HOMER2: variants seen among roughly 807,000 people sequenced by gnomAD.
HOMER2 encodes the protein homer protein homolog 2.
In HOMER2, 27 loss-of-function variants were observed where a neutral mutation model predicts 47.0. That is an observed-to-expected ratio of 0.57 (90% CI 0.42 to 0.79). The LOEUF (loss-of-function observed/expected upper bound fraction) is 0.79, where lower values mean the gene tolerates loss of function less well. HOMER2 is among the 30% of genes least tolerant of loss of function. The pLI is 0.00. For missense variants in HOMER2, 443 were observed against 435.0 expected (o/e 1.02, Z -0.16); for synonymous variants, 161 against 163.8 (o/e 0.98, Z 0.13).
exon 2 of HOMER2, chr15:82,840,492 G>A (rs983997114): frequency 3.9e-5 from 6 of 152,052 alleles, no homozygotes; most frequent in African/African-American, 1.4e-4. Flanking sequence ...TTTTGAGAAA[G>A]GGTCTTGCTC....
At chr15:82,860,956 T>TGAGAGAGAGAGAGAGAGAGAGA (rs56063630) in intron 4 of HOMER2, among the ~76,000 whole-genome samples, 5,486 of 40,780 alleles carry the variant, frequency 0.13, 305 homozygotes, top group Non-Finnish European at 0.18. Context: ...AGATAGAAGA[T>TGAGAGAGAGAGAGAGAGAGAGA]GAGAGAGAGA....
At chr15:82,908,308 T>C (rs2053347981) in intron 1 of HOMER2, among the ~76,000 whole-genome samples, 2 of 152,230 alleles carry the variant, frequency 1.3e-5, no homozygotes, top group Non-Finnish European at 2.9e-5. Context: ...TCAATAAAGC[T>C]TTATTAAACT....
At chr15:82,956,159 G>C (rs1314409980), upstream of HOMER2, among the ~76,000 whole-genome samples, 2 of 149,774 alleles carry the variant, frequency 1.3e-5, no homozygotes, top group African/African-American at 4.9e-5. Context: ...AGAATCACTT[G>C]AACTCAGGAG....
intron 1 of HOMER2, among the ~76,000 whole-genome samples, chr15:82,970,722 T>C (rs1467681642): frequency 6.6e-6 from 1 of 152,186 alleles, no homozygotes; most frequent in Non-Finnish European, 1.5e-5. Flanking sequence ...GAGATAAAAT[T>C]TCTTTCAAAT....
At chr15:82,874,374 A>G (rs1880216783) in intron 3 of HOMER2, among the ~76,000 whole-genome samples, 1 of 152,192 alleles carries the variant, frequency 6.6e-6, no homozygotes, top group Non-Finnish European at 1.5e-5. Flanking sequence ...ACCTTAAACC[A>G]AAATATTCTA....
chr15:82,976,315 T>G (rs969003947), intron 1 of HOMER2, among the ~76,000 whole-genome samples: 3 of 151,810 alleles, frequency 2.0e-5, no homozygotes, highest in Non-Finnish European at 4.4e-5. Flanking sequence ...TTATTTATTT[T>G]TGAGACGGAG....
rs895723106 is a variant in HOMER2 at position 82,852,440 on chromosome 15, A to G, written c.652-188T>C. ...TCATGGGGCTGCCTGCACCGCTTGC[A>G]TGGGACCTGCTTTGCACATGATGCC... On this transcript the variant is annotated intron_variant, in intron 6 of 8. Transcript: ENST00000450735. 4.0e-5 allele frequency: 22 copies of G among 546,902 alleles called. No homozygotes were observed. The East Asian group carries it at 7.1e-4, about 18-fold the overall frequency. 33.9% of individuals were successfully genotyped at this position (546,902 alleles called of 1,614,324 possible).
intron 1 of HOMER2, among the ~76,000 whole-genome samples, chr15:82,911,492 T>A (rs2053454852): frequency 6.6e-6 from 1 of 152,236 alleles, no homozygotes; most frequent in South Asian, 2.1e-4. Context: ...CACTTTAGTT[T>A]AAAATTAGAT....
At chr15:82,853,972 AC>A (rs986206566) in intron 6 of HOMER2, among the ~76,000 whole-genome samples, 9 of 152,062 alleles carry the variant, frequency 5.9e-5, no homozygotes, top group Admixed American at 1.3e-4. Flanking sequence ...TTTCTCACCT[AC>A]CCTCTGGGTC....
In HOMER2 at chr15:82,952,621, T is replaced by C. The variant is rs1262404517; in HGVS notation, c.-86A>G. 4.8e-5 allele frequency: 51 copies of C among 1,061,116 alleles called. No homozygotes were observed. Among genetic ancestry groups the C allele is most frequent in the South Asian group, 8.8e-5 (2 of 22,838 alleles). 65.7% of individuals were successfully genotyped at this position (1,061,116 alleles called of 1,614,324 possible). ...CGGCAGCCGCTCCCCGCGCGGCACA[T>C]GCGGCGGCCCGTGCGCGCCCGGCTC... On this transcript the variant is annotated 5_prime_UTR_variant, in exon 1 of 9. The change abolishes an upstream ATG in the 5' untranslated region. Coordinates refer to ENST00000450735, the MANE Select transcript of HOMER2 (RefSeq NM_004839.4).
intron 1 of HOMER2, among the ~76,000 whole-genome samples, chr15:82,927,267 G>T (rs1469354156): frequency 1.3e-5 from 2 of 148,534 alleles, no homozygotes; most frequent in African/African-American, 5.3e-5. Context: ...TTTAATGCAT[G>T]TCTCATTAAA....
At chr15:82,865,378 C>T (rs1462844065) in intron 3 of HOMER2, among the ~76,000 whole-genome samples, 1 of 152,158 alleles carries the variant, frequency 6.6e-6, no homozygotes, top group African/African-American at 2.4e-5. Flanking sequence ...TTCCTCTCTG[C>T]ACCCTCCTCC....
exon 2 of HOMER2, chr15:82,837,067 C>T (rs2151580301): frequency 6.6e-6 from 1 of 152,406 alleles, no homozygotes; most frequent in South Asian, 2.1e-4. Flanking sequence ...CGGGGAGAAG[C>T]CATTTCCTTG....
upstream of HOMER2, chr15:82,985,891 G>T: frequency 5.5e-6 from 1 of 182,452 alleles, no homozygotes; most frequent in Non-Finnish European, 1.0e-5. Context: ...CGAAGACTCC[G>T]GGAGCAGGCG....
chr15:82,946,059 T>C (rs546518349), intron 1 of HOMER2, among the ~76,000 whole-genome samples: 6 of 151,690 alleles, frequency 4.0e-5, no homozygotes, highest in South Asian at 2.1e-4. Context: ...ATAAAGGTAA[T>C]GGATGAAGTC....
intron 3 of HOMER2, among the ~76,000 whole-genome samples, chr15:82,872,173 G>A (rs1288113393): frequency 6.6e-6 from 1 of 152,154 alleles, no homozygotes; most frequent in Non-Finnish European, 1.5e-5. Context: ...AGGAGGGAAA[G>A]ACATACACCC....
At chr15:82,951,796 C>T (rs2054511127) in intron 1 of HOMER2, among the ~76,000 whole-genome samples, 1 of 152,254 alleles carries the variant, frequency 6.6e-6, no homozygotes, top group Non-Finnish European at 1.5e-5. Context: ...GTATGGCAAA[C>T]CGTCAACGTG....
At chr15:82,945,494 A>G (rs1180364421) in intron 1 of HOMER2, among the ~76,000 whole-genome samples, 1 of 147,322 alleles carries the variant, frequency 6.8e-6, no homozygotes, top group African/African-American at 2.5e-5. Flanking sequence ...ACATATATAC[A>G]TGGAAAAAAG....
chr15:82,976,771 C>T (rs746007027), intron 1 of HOMER2, among the ~76,000 whole-genome samples: 2 of 150,968 alleles, frequency 1.3e-5, no homozygotes, highest in Non-Finnish European at 2.9e-5. Context: ...CCTCTGCCTC[C>T]AGGGTTCAAG....
Sources: gnomAD v4.1 joint callset for allele counts (sites outside exome capture counted in the v4.1 genomes callset) on GRCh38, gnomAD v4.1.1 for gene constraint, MANE v1.5 for transcripts, NCBI Gene and HGNC (gene_info 2026-07-23, HGNC 2026-07-21) for gene names.